Variants in ALK observed in about 807,000 individuals in gnomAD.
The protein encoded by ALK is ALK receptor tyrosine kinase.
In ALK, 74 loss-of-function variants were observed where a neutral mutation model predicts 163.1. That is an observed-to-expected ratio of 0.45 (90% CI 0.38 to 0.55). The LOEUF (loss-of-function observed/expected upper bound fraction) is 0.55, where lower values mean the gene tolerates loss of function less well. Among genes scored for constraint, ALK ranks in the 20% least tolerant of loss-of-function variants. ALK has a pLI of 0.00. For synonymous variants in ALK, 960 were observed against 843.2 expected (o/e 1.14, Z -2.40); for missense variants, 2,063 against 2,105.3 (o/e 0.98, Z 0.39).
intron 4 of ALK, among the ~76,000 whole-genome samples, chr2:29,505,841 G>A (rs1218894900): frequency 6.7e-6 from 1 of 148,758 alleles, no homozygotes; most frequent in African/African-American, 2.5e-5. Context: ...GTTTGGTTCA[G>A]CAGTCAGCAA....
intron 3 of ALK, among the ~76,000 whole-genome samples, chr2:29,593,074 T>C: frequency 6.6e-6 from 1 of 152,260 alleles, no homozygotes; most frequent in Non-Finnish European, 1.5e-5. Context: ...GAATATCTTC[T>C]GTTGCCATAC....
In ALK at chr2:29,544,856, C is replaced by T. The variant is rs183996988; in HGVS notation, c.953-12740G>A. On this transcript the variant is annotated intron_variant, in intron 3 of 28. Transcript: ENST00000389048. ...TAACTAGACATAAACATGATTGTCA[C>T]GTAGCTTAATCGCTTGTTGTACTGG... Among the ~76,000 whole-genome samples, 15 of 152,212 alleles carry T rather than the reference C, an allele frequency of 9.9e-5. No homozygotes were observed. The East Asian group carries it at 1.2e-3, about 12-fold the overall frequency.
intron 11 of ALK, among the ~76,000 whole-genome samples, chr2:29,268,985 A>AT (rs1431732793): frequency 2.5e-4 from 38 of 152,342 alleles, no homozygotes; most frequent in African/African-American, 7.7e-4. Context: ...AGCATTGATA[A>AT]TCTAAGCACC....
At chr2:29,884,640 T>C (rs1282600940) in intron 1 of ALK, among the ~76,000 whole-genome samples, 3 of 152,288 alleles carry the variant, frequency 2.0e-5, no homozygotes, top group East Asian at 1.9e-4. Flanking sequence ...AGCCAAGTTA[T>C]TATGTAACAA....
chr2:29,610,741 T>C (rs1490626428), intron 3 of ALK, among the ~76,000 whole-genome samples: 1 of 152,218 alleles, frequency 6.6e-6, no homozygotes, highest in Non-Finnish European at 1.5e-5. Flanking sequence ...ATTTTACAGC[T>C]AGAGTCTGGG....
intron 3 of ALK, among the ~76,000 whole-genome samples, chr2:29,589,018 A>G (rs1032088073): frequency 2.0e-5 from 3 of 152,028 alleles, no homozygotes; most frequent in African/African-American, 7.2e-5. Context: ...CATCAACAAC[A>G]TTTACATTTA....
chr2:29,742,411 G>T (rs539808371), intron 1 of ALK, among the ~76,000 whole-genome samples: 1 of 152,196 alleles, frequency 6.6e-6, no homozygotes, highest in Admixed American at 6.5e-5. Context: ...GAGAAGAGAT[G>T]GGCGGCCTTG....
intron 5 of ALK, among the ~76,000 whole-genome samples, chr2:29,368,710 C>A (rs1668570394): frequency 6.6e-6 from 1 of 152,148 alleles, no homozygotes; most frequent in African/African-American, 2.4e-5. Flanking sequence ...GACCTCATAG[C>A]CTTTTTCTCC....
At chr2:29,478,374 C>T (rs539069795) in intron 4 of ALK, among the ~76,000 whole-genome samples, 1 of 152,368 alleles carries the variant, frequency 6.6e-6, no homozygotes. Context: ...GCCTTCACAT[C>T]TATTGTCTGC....
In ALK at chr2:29,372,402, T is replaced by A. The variant is rs542147699; in HGVS notation, c.1282+11330A>T. ...TTGTACTAGTTCACTGTTGGTCCAG[T>A]TTTTCTTGATGACTCATACCAATTG... On this transcript the variant is annotated intron_variant, in intron 5 of 28. Transcript: ENST00000389048. Among the ~76,000 whole-genome samples the A allele has an allele frequency of 4.7e-3, 712 of 152,318 alleles. 8 individuals are homozygous for A. Among genetic ancestry groups the A allele is most frequent in the African/African-American group, 0.016 (686 of 41,576 alleles).
At chr2:29,629,379 C>T (rs73921133) in intron 3 of ALK, among the ~76,000 whole-genome samples, 1,887 of 152,248 alleles carry the variant, frequency 0.012, 41 homozygotes, top group African/African-American at 0.042. Context: ...CAGGTTTCTT[C>T]AAGCAGAGGA....
chr2:29,903,175 A>C (rs1341044767), intron 1 of ALK, among the ~76,000 whole-genome samples: 1 of 151,706 alleles, frequency 6.6e-6, no homozygotes, highest in Non-Finnish European at 1.5e-5. Flanking sequence ...AACCGTACAA[A>C]GTCCTGAACG....
chr2:29,545,906 A>G (rs1392190796), intron 3 of ALK, among the ~76,000 whole-genome samples: 1 of 152,190 alleles, frequency 6.6e-6, no homozygotes, highest in Non-Finnish European at 1.5e-5. Flanking sequence ...TACAATTTGC[A>G]CAATTAGGAG....
At position 29,831,235 on chromosome 2, in the gene ALK, G is replaced by A. The variant is rs367661307; in HGVS notation, c.667+88758C>T. Among the ~76,000 whole-genome samples the A allele has an allele frequency of 6.8e-4, 23 of 33,990 alleles. 1 individual carries two copies. Among genetic ancestry groups the A allele is most frequent in the East Asian group, 5.1e-3 (2 of 394 alleles). 22.3% of individuals were successfully genotyped at this position (33,990 alleles called of 152,430 possible). On this transcript the variant is annotated intron_variant, in intron 1 of 28. Coordinates refer to ENST00000389048, the MANE Select transcript of ALK (RefSeq NM_004304.5). ...AGGAAGAGGAAGAGGAAGAAGAAGAGGAAGAAGAAGAGGAAGAGGAAGAGG... is the reference window on the plus strand; with the variant it reads ...AGGAAGAGGAAGAGGAAGAAGAAGAAGAAGAAGAAGAGGAAGAGGAAGAGG...
intron 4 of ALK, among the ~76,000 whole-genome samples, chr2:29,461,014 C>A (rs1261542445): frequency 6.6e-6 from 1 of 152,148 alleles, no homozygotes; most frequent in Non-Finnish European, 1.5e-5. Flanking sequence ...AAAAGTGAAA[C>A]AGACTTATTG....
At chr2:29,560,469 T>A (rs915418178) in intron 3 of ALK, among the ~76,000 whole-genome samples, 15 of 152,220 alleles carry the variant, frequency 9.9e-5, no homozygotes, top group African/African-American at 3.6e-4. Context: ...GGCCTTTTTT[T>A]GGGGTGATAA....
chr2:29,274,949 G>A, intron 11 of ALK, 150 bp downstream of exon 11: 1 of 1,051,844 alleles, frequency 9.5e-7, no homozygotes, highest in Admixed American at 2.0e-5. Flanking sequence ...GCTTCCCCTT[G>A]GACCCCATAG....
At chr2:29,531,527 T>C (rs1388423988) in intron 4 of ALK, among the ~76,000 whole-genome samples, 3 of 152,200 alleles carry the variant, frequency 2.0e-5, no homozygotes, top group African/African-American at 7.2e-5. Flanking sequence ...GTCCTTTCCC[T>C]TCCTGCCCAA....
intron 3 of ALK, among the ~76,000 whole-genome samples, chr2:29,658,681 T>C (rs955281774): frequency 1.1e-4 from 16 of 152,122 alleles, no homozygotes; most frequent in African/African-American, 3.6e-4. Context: ...GTGTGACGAG[T>C]GCCATTTTAT....
Sources: allele counts gnomAD v4.1 joint callset (sites outside exome capture counted in the v4.1 genomes callset), GRCh38; gene constraint gnomAD v4.1.1; transcripts MANE v1.5; gene names NCBI Gene and HGNC (gene_info 2026-07-23, HGNC 2026-07-21).